The following UNC13B variants were observed in gnomAD, a reference collection of about 807,000 sequenced individuals.
The protein encoded by UNC13B is protein unc-13 homolog B.
In UNC13B, 144 loss-of-function variants were observed where a neutral mutation model predicts 211.0. The ratio of observed to expected loss-of-function variants is 0.68; its 90% CI spans 0.60 to 0.78. UNC13B has a LOEUF of 0.78. Ranked by LOEUF, UNC13B falls within the 30% of genes least tolerant of loss-of-function variation. The probability of loss-of-function intolerance (pLI) is 0.00; values close to 1 mark genes in which losing one functional copy is unlikely to be tolerated. For synonymous variants in UNC13B, 709 were observed against 725.8 expected, an observed-to-expected ratio of 0.98 and a Z score of 0.37; for missense variants, 1,777 against 2,002.0, an observed-to-expected ratio of 0.89 and a Z score of 2.14.
intron 14 of UNC13B, 27 bp from the exon 15 acceptor site, chr9:35,376,001 T>A (rs1022891924): frequency 3.1e-6 from 5 of 1,611,850 alleles, no homozygotes; most frequent in Non-Finnish European, 4.2e-6. Flanking sequence ...AAAACAAAAA[T>A]CATGGGATGG....
chr9:35,296,837 G>T (rs562687631), intron 8 of UNC13B, among the ~76,000 whole-genome samples: 2 of 152,044 alleles, frequency 1.3e-5, no homozygotes, highest in Non-Finnish European at 2.9e-5. Flanking sequence ...CTAAGAAAAA[G>T]AACTTTATCT....
At chr9:35,227,934 G>T in intron 1 of UNC13B, 81 bp from the exon 2 acceptor site, 1 of 1,184,988 alleles carries the variant, frequency 8.4e-7, no homozygotes, top group Non-Finnish European at 1.2e-6. Context: ...TCTAACATTG[G>T]TATGTAGTGC....
chr9:35,336,231 A>G (rs1831647299), intron 11 of UNC13B, among the ~76,000 whole-genome samples: 1 of 152,082 alleles, frequency 6.6e-6, no homozygotes, highest in Non-Finnish European at 1.5e-5. Flanking sequence ...GTTCATAGCC[A>G]CTTCATACAA....
chr9:35,207,819 A>G (rs1823752469), intron 1 of UNC13B, among the ~76,000 whole-genome samples: 1 of 152,206 alleles, frequency 6.6e-6, no homozygotes, highest in Admixed American at 6.5e-5. Context: ...TCGCTTTCTT[A>G]ATAGTATCCT....
In UNC13B at chr9:35,278,051, G is replaced by C. The variant is rs557413518; in HGVS notation, c.527-17645G>C. On this transcript the variant is annotated intron_variant, in intron 7 of 39. Transcript: ENST00000635942. ...TCATTGAAATGAGAGATTGTTCACAGTAGTATAAATGAAAAGAATGAGGAG... is the reference window on the plus strand; with the variant it reads ...TCATTGAAATGAGAGATTGTTCACACTAGTATAAATGAAAAGAATGAGGAG... Among the ~76,000 whole-genome samples, 131 of 152,292 alleles carry C rather than the reference G, an allele frequency of 8.6e-4. 1 individual carries two copies. Among genetic ancestry groups the C allele is most frequent in the Non-Finnish European group, 8.8e-5 (6 of 68,024 alleles).
chr9:35,340,261 G>A (rs1421643647), intron 11 of UNC13B, among the ~76,000 whole-genome samples: 1 of 152,166 alleles, frequency 6.6e-6, no homozygotes, highest in Non-Finnish European at 1.5e-5. Flanking sequence ...GTGCTCTGCT[G>A]TTAGTGTTGG....
chr9:35,209,708 A>T (rs1324122012), intron 1 of UNC13B, among the ~76,000 whole-genome samples: 2 of 152,190 alleles, frequency 1.3e-5, no homozygotes, highest in African/African-American at 2.4e-5. Context: ...CTTGGCAATG[A>T]TATAGTTCTA....
intron 24 of UNC13B, among the ~76,000 whole-genome samples, chr9:35,387,169 A>G (rs1927962): frequency 0.19 from 28,767 of 152,138 alleles, 2,830 homozygotes; most frequent in South Asian, 0.21. Flanking sequence ...AGGAATTCCA[A>G]GGAGGAAGAG....
intron 1 of UNC13B, among the ~76,000 whole-genome samples, chr9:35,165,207 T>C (rs948859693): frequency 6.6e-6 from 1 of 152,130 alleles, no homozygotes; most frequent in Non-Finnish European, 1.5e-5. Flanking sequence ...TTGTTGTCAT[T>C]CCAGAGGACA....
At chr9:35,401,988 G>C in intron 37 of UNC13B, 2 of 1,550,760 alleles carry the variant, frequency 1.3e-6, no homozygotes, top group South Asian at 1.2e-5. Context: ...CTGCTAATGA[G>C]GACATTCGTC....
At chr9:35,247,901 A>G (rs552308073) in intron 6 of UNC13B, among the ~76,000 whole-genome samples, 4 of 152,076 alleles carry the variant, frequency 2.6e-5, no homozygotes, top group Non-Finnish European at 4.4e-5. Flanking sequence ...CTCTTTTTCT[A>G]TTGATTGGAA....
intron 8 of UNC13B, 71 bp downstream of exon 8, chr9:35,296,001 T>C: frequency 7.0e-7 from 1 of 1,427,278 alleles, no homozygotes; most frequent in South Asian, 1.3e-5. Flanking sequence ...CAAGAAGAAT[T>C]TGGATGCTTT....
At chr9:35,322,930 C>G (rs1038306527) in intron 11 of UNC13B, among the ~76,000 whole-genome samples, 2 of 151,808 alleles carry the variant, frequency 1.3e-5, no homozygotes, top group Non-Finnish European at 2.9e-5. Context: ...GCCATTCTAA[C>G]ATTTCTAAAA....
intron 7 of UNC13B, among the ~76,000 whole-genome samples, chr9:35,282,101 G>A (rs1564111378): frequency 6.6e-6 from 1 of 152,200 alleles, no homozygotes; most frequent in African/African-American, 2.4e-5. Flanking sequence ...TTATAGTGAT[G>A]TGAGCAGTTT....
At chr9:35,282,806 T>C (rs1828580442) in intron 7 of UNC13B, among the ~76,000 whole-genome samples, 1 of 152,178 alleles carries the variant, frequency 6.6e-6, no homozygotes, top group African/African-American at 2.4e-5. Flanking sequence ...ACAATTTGTT[T>C]ATTGAAGAAA....
At chr9:35,294,929 A>G (rs1051394024) in intron 7 of UNC13B, among the ~76,000 whole-genome samples, 1 of 152,218 alleles carries the variant, frequency 6.6e-6, no homozygotes, top group Non-Finnish European at 1.5e-5. Flanking sequence ...AATTCTACGA[A>G]ATTGTAGTCA....
At chr9:35,298,443 C>G (rs1829504769) in intron 8 of UNC13B, among the ~76,000 whole-genome samples, 1 of 152,068 alleles carries the variant, frequency 6.6e-6, no homozygotes, top group Admixed American at 6.5e-5. Context: ...CAAAATTCAC[C>G]AGACCATAGG....
intron 1 of UNC13B, among the ~76,000 whole-genome samples, chr9:35,212,852 T>C (rs114625162): frequency 2.4e-4 from 36 of 152,338 alleles, no homozygotes; most frequent in African/African-American, 8.4e-4. Context: ...AATGACGTGT[T>C]ACTCCTAGTG....
chr9:35,377,782 A>G, intron 16 of UNC13B, 87 bp downstream of exon 16: 2 of 1,306,548 alleles, frequency 1.5e-6, no homozygotes, highest in Admixed American at 2.4e-5. Flanking sequence ...TGAGGGAGCA[A>G]GGGATTAGGG....
Sources: allele counts gnomAD v4.1 joint callset (sites outside exome capture counted in the v4.1 genomes callset), GRCh38; gene constraint gnomAD v4.1.1; transcripts MANE v1.5; gene names NCBI Gene and HGNC (gene_info 2026-07-23, HGNC 2026-07-21).